ASPRV1: variants seen among roughly 807,000 people sequenced by gnomAD.
The protein encoded by ASPRV1 is aspartic peptidase retroviral like 1, also known as retroviral-like aspartic protease 1.
Under a neutral mutation model 11.0 loss-of-function variants are expected in ASPRV1, and 7 were observed. The ratio of observed to expected loss-of-function variants is 0.64; its 90% CI spans 0.36 to 1.20. The LOEUF is 1.20. Among genes scored for constraint, ASPRV1 ranks in the 50% most tolerant of loss-of-function variants. The pLI is 0.02. For synonymous variants in ASPRV1, 136 were observed against 138.4 expected (o/e 0.98, Z 0.12); for missense variants, 299 against 320.0 (o/e 0.93, Z 0.50).
chr2:69,975,141 A>C, the ASPRV1 span, among the ~76,000 whole-genome samples: 1 of 152,234 alleles, frequency 6.6e-6, no homozygotes, highest in East Asian at 1.9e-4. Context: ...AAAGCTGCAA[A>C]GCCCCCAGCC....
chr2:69,975,069 T>C, the ASPRV1 span, among the ~76,000 whole-genome samples: 3 of 152,276 alleles, frequency 2.0e-5, no homozygotes, highest in Non-Finnish European at 2.9e-5. Flanking sequence ...CTGGGATTGC[T>C]CCAGGCTAAG....
At chr2:70,082,373 A>G in the ASPRV1 span, among the ~76,000 whole-genome samples, 8 of 152,050 alleles carry the variant, frequency 5.3e-5, no homozygotes, top group Admixed American at 5.2e-4. Flanking sequence ...ATTCAAAACC[A>G]ACCTGAGCAA....
the ASPRV1 span, among the ~76,000 whole-genome samples, chr2:70,014,894 T>C: frequency 6.6e-6 from 1 of 152,002 alleles, no homozygotes; most frequent in Admixed American, 6.6e-5. Flanking sequence ...GAAAAGGATT[T>C]ACTATCCAGA....
chr2:70,019,268 T>C, the ASPRV1 span: 1 of 152,282 alleles, frequency 6.6e-6, no homozygotes, highest in South Asian at 2.1e-4. Flanking sequence ...ATGACAAGCA[T>C]TGGCAAGGAT....
the ASPRV1 span, among the ~76,000 whole-genome samples, chr2:70,002,565 C>T: frequency 1.3e-5 from 2 of 152,152 alleles, no homozygotes; most frequent in African/African-American, 4.8e-5. Context: ...TGCCTATTGT[C>T]CTGCTAATTA....
chr2:69,933,204 A>G, the ASPRV1 span, among the ~76,000 whole-genome samples: 1 of 39,526 alleles, frequency 2.5e-5, no homozygotes, highest in Non-Finnish European at 4.3e-5. Flanking sequence ...CTGTCTCAAA[A>G]AAAAAAAAAA....
the ASPRV1 span, among the ~76,000 whole-genome samples, chr2:69,985,896 A>C: frequency 8.5e-5 from 13 of 152,318 alleles, no homozygotes; most frequent in Admixed American, 7.8e-4. Flanking sequence ...CTACGTAAGC[A>C]CAACCGTTTC....
At chr2:69,986,552 C>T in the ASPRV1 span, among the ~76,000 whole-genome samples, 1 of 152,238 alleles carries the variant, frequency 6.6e-6, no homozygotes, top group Non-Finnish European at 1.5e-5. Context: ...GGAGCCCACA[C>T]TGGAAGTGGG....
the ASPRV1 span, among the ~76,000 whole-genome samples, chr2:70,040,208 T>C: frequency 1.3e-5 from 2 of 152,022 alleles, no homozygotes; most frequent in Non-Finnish European, 2.9e-5. Context: ...AGACAGTATA[T>C]AGAGGGAGTA....
the ASPRV1 span, chr2:69,939,554 A>G: frequency 6.6e-6 from 1 of 152,664 alleles, no homozygotes; most frequent in African/African-American, 2.4e-5. Context: ...GTAATGGAAA[A>G]CAAATTCTTA....
At position 69,960,961 on chromosome 2, in the gene ASPRV1, A is replaced by C; in HGVS notation, c.476T>G (p.Val159Gly). The C allele has an allele frequency of 6.8e-6, 11 of 1,613,978 alleles. No homozygotes were observed. Among genetic ancestry groups the C allele is most frequent in the Non-Finnish European group, 9.3e-6 (11 of 1,179,966 alleles). Reference protein sequence around the residue: ...LDTLQPFENVVKVANGAEMKI... With the variant: ...LDTLQPFENVGKVANGAEMKI... The stretch of plus-strand genomic sequence containing the variant: ...CATTTCAGCACCATTGGCCACCTTT[A>C]CCACATTCTCAAAGGGCTGCAGGGT... Residue 159 changes from valine to glycine, a missense_variant, in exon 1 of 1, where the codon GTA becomes GGA. Physicochemically the swap from Val to Gly is moderately radical, Grantham distance 109. Coordinates refer to ENST00000320256, the MANE Select transcript of ASPRV1 (RefSeq NM_152792.4).
chr2:70,059,814 T>C, the ASPRV1 span: 1 of 152,352 alleles, frequency 6.6e-6, no homozygotes, highest in Non-Finnish European at 1.5e-5. Context: ...AATGCTGCGC[T>C]GATCTGACAG....
chr2:70,057,096 GAGA>G, the ASPRV1 span, among the ~76,000 whole-genome samples: 1 of 151,648 alleles, frequency 6.6e-6, no homozygotes, highest in Non-Finnish European at 1.5e-5. Context: ...TTCAGCAACA[GAGA>G]AGGATATTAA....
the ASPRV1 span, among the ~76,000 whole-genome samples, chr2:70,041,954 T>C: frequency 2.5e-4 from 38 of 152,344 alleles, 1 homozygote; most frequent in Middle Eastern, 3.4e-3. Flanking sequence ...TCATCTGGAA[T>C]TTCAGATGAA....
At chr2:70,073,545 T>A in the ASPRV1 span, among the ~76,000 whole-genome samples, 11 of 152,304 alleles carry the variant, frequency 7.2e-5, no homozygotes, top group Non-Finnish European at 1.3e-4. Flanking sequence ...AACGATACTT[T>A]GTTAAGTATT....
the ASPRV1 span, among the ~76,000 whole-genome samples, chr2:70,033,909 C>T: frequency 2.6e-3 from 391 of 152,074 alleles, 2 homozygotes; most frequent in African/African-American, 9.0e-3. Context: ...AATCCCAGCA[C>T]TTTGGGAGGC....
At chr2:70,032,944 G>A in the ASPRV1 span, among the ~76,000 whole-genome samples, 1 of 152,120 alleles carries the variant, frequency 6.6e-6, no homozygotes. Flanking sequence ...CATACACAGA[G>A]CAGGATCTTG....
At chr2:69,961,633 G>T, upstream of ASPRV1, 1 of 1,597,774 alleles carries the variant, frequency 6.3e-7, no homozygotes, top group Non-Finnish European at 8.5e-7. Flanking sequence ...CAGTGCTGTG[G>T]CCTGTTCACT....
the ASPRV1 span, among the ~76,000 whole-genome samples, chr2:69,999,801 C>A: frequency 6.6e-6 from 1 of 151,730 alleles, no homozygotes; most frequent in South Asian, 2.1e-4. Flanking sequence ...CACTCCCCTT[C>A]CTACAGTCCC....
Sources: gnomAD v4.1 joint callset for allele counts (sites outside exome capture counted in the v4.1 genomes callset) on GRCh38, gnomAD v4.1.1 for gene constraint, MANE v1.5 for transcripts, NCBI Gene and HGNC (gene_info 2026-07-23, HGNC 2026-07-21) for gene names.